Variants in PTP4A2 observed in about 807,000 individuals in gnomAD.
PTP4A2 encodes protein tyrosine phosphatase type IVA 2.
Under a neutral mutation model 22.9 loss-of-function variants are expected in PTP4A2, and 2 were observed. That is an observed-to-expected ratio of 0.09 (90% CI 0.04 to 0.27). The LOEUF (loss-of-function observed/expected upper bound fraction) is 0.27, where lower values mean the gene tolerates loss of function less well. Ranked by LOEUF, PTP4A2 falls within the 10% of genes least tolerant of loss-of-function variation. The pLI, the probability that PTP4A2 is intolerant of heterozygous loss-of-function variation, is 1.00. For missense variants in PTP4A2, 103 were observed against 205.1 expected (o/e 0.50, Z 3.04); for synonymous variants, 68 against 69.1 (o/e 0.98, Z 0.08).
chr1:31,932,076 T>C (rs991409869), intron 1 of PTP4A2, among the ~76,000 whole-genome samples: 3 of 152,168 alleles, frequency 2.0e-5, no homozygotes, highest in Non-Finnish European at 2.9e-5. Flanking sequence ...AAAGGACAAC[T>C]GGAAGAAAAC....
At chr1:31,912,907 C>T in intron 3 of PTP4A2, 2 of 390,420 alleles carry the variant, frequency 5.1e-6, no homozygotes, top group Non-Finnish European at 5.1e-6. Context: ...GACAACTACG[C>T]CCCATAATTA....
In PTP4A2 at chr1:31,919,980, G is replaced by T. The variant is rs1652052666; in HGVS notation, c.-593-322C>A. Among the ~76,000 whole-genome samples, 6 of 150,470 alleles carry T rather than the reference G, an allele frequency of 4.0e-5. No homozygotes were observed. In the South Asian group the frequency reaches 1.3e-3, roughly 32 times the overall value. On this transcript the variant is annotated intron_variant, in intron 1 of 5. Coordinates refer to ENST00000647444, the MANE Select transcript of PTP4A2 (RefSeq NM_080391.4). ...CGTCGCTACTAAAAATACACAATTA[G>T]CCAGGTGTGGTGGTGCATGCCTGTA...
intron 3 of PTP4A2, among the ~76,000 whole-genome samples, chr1:31,913,335 G>A (rs916147007): frequency 9.9e-5 from 15 of 152,184 alleles, no homozygotes; most frequent in Non-Finnish European, 1.3e-4. Context: ...TTTTTCAAGT[G>A]TAAGTTAAAC....
At chr1:31,933,665 G>A (rs887591654) in intron 1 of PTP4A2, 18 of 152,252 alleles carry the variant, frequency 1.2e-4, no homozygotes, top group Admixed American at 9.8e-4. Context: ...GGAGGCTGCA[G>A]TGAGCTGAGG....
At chr1:31,913,003 C>CTA (rs1651622540) in intron 3 of PTP4A2, 1 of 454,984 alleles carries the variant, frequency 2.2e-6, no homozygotes, top group Non-Finnish European at 4.4e-6. Flanking sequence ...CTTACTTCCT[C>CTA]TAATACTCCC....
At chr1:31,917,330 T>C (rs993516996) in intron 2 of PTP4A2, among the ~76,000 whole-genome samples, 3 of 152,238 alleles carry the variant, frequency 2.0e-5, no homozygotes, top group African/African-American at 4.8e-5. Context: ...GTCCATCATT[T>C]AGTTATCTAA....
intron 1 of PTP4A2, among the ~76,000 whole-genome samples, chr1:31,922,602 C>G (rs909361079): frequency 4.0e-4 from 40 of 99,388 alleles, no homozygotes; most frequent in Middle Eastern, 4.4e-3. Flanking sequence ...TTCTTTCTTT[C>G]TTTCTTTCTT....
At chr1:31,920,848 T>C (rs1442721185) in intron 1 of PTP4A2, among the ~76,000 whole-genome samples, 3 of 152,136 alleles carry the variant, frequency 2.0e-5, no homozygotes, top group Non-Finnish European at 4.4e-5. Flanking sequence ...CATGAACTCT[T>C]CATAAACTTC....
chr1:31,926,166 A>T (rs1335308278), intron 1 of PTP4A2, among the ~76,000 whole-genome samples: 1 of 147,190 alleles, frequency 6.8e-6, no homozygotes, highest in African/African-American at 2.5e-5. Flanking sequence ...ATATATATAT[A>T]TATTTATCTC....
At chr1:31,934,189 C>T (rs937319410) in intron 1 of PTP4A2, among the ~76,000 whole-genome samples, 15 of 151,436 alleles carry the variant, frequency 9.9e-5, no homozygotes, top group Non-Finnish European at 2.1e-4. Flanking sequence ...ACCCAGGAGG[C>T]GCAGGCTGCA....
At chr1:31,929,591 T>C (rs181567962) in intron 1 of PTP4A2, among the ~76,000 whole-genome samples, 11 of 152,352 alleles carry the variant, frequency 7.2e-5, no homozygotes, top group Admixed American at 2.0e-4. Context: ...TCCAATTCAG[T>C]TGCTTCCCCA....
chr1:31,911,914 C>G (rs1569577810), intron 3 of PTP4A2, 88 bp from the exon 4 acceptor site: 1 of 970,906 alleles, frequency 1.0e-6, no homozygotes, highest in African/African-American at 1.7e-5. Flanking sequence ...GTACACACGG[C>G]AGGCCTAACT....
chr1:31,929,543 A>T (rs1175903667), intron 1 of PTP4A2, among the ~76,000 whole-genome samples: 7 of 152,200 alleles, frequency 4.6e-5, no homozygotes, highest in Non-Finnish European at 8.8e-5. Flanking sequence ...TTCTTTTCCT[A>T]AATAACTTTG....
At chr1:31,935,659 C>T (rs1652902685) in intron 1 of PTP4A2, 1 of 152,070 alleles carries the variant, frequency 6.6e-6, no homozygotes, top group Non-Finnish European at 1.5e-5. Context: ...ATCCCTAGTG[C>T]CTGGCAAATA....
chr1:31,918,057 G>A (rs1172849533), intron 2 of PTP4A2, among the ~76,000 whole-genome samples: 1 of 151,744 alleles, frequency 6.6e-6, no homozygotes, highest in Non-Finnish European at 1.5e-5. Flanking sequence ...AGACCATCCT[G>A]GCTAACATGG....
At chr1:31,916,222 G>C (rs918153302) in intron 2 of PTP4A2, among the ~76,000 whole-genome samples, 2 of 150,876 alleles carry the variant, frequency 1.3e-5, no homozygotes, top group Non-Finnish European at 2.9e-5. Context: ...GTGCGGGCCT[G>C]TAATCCCAGC....
chr1:31,937,137 G>A (rs74893045), intron 1 of PTP4A2, among the ~76,000 whole-genome samples: 7,977 of 152,124 alleles, frequency 0.052, 709 homozygotes, highest in African/African-American at 0.18. Flanking sequence ...CTTTTCGTTA[G>A]CTCTCAGGGG....
In PTP4A2 at chr1:31,907,060, T is replaced by A. The variant is rs1651210095; in HGVS notation, c.*1792A>T. On this transcript the variant is annotated 3_prime_UTR_variant, in exon 6 of 6. Transcript: ENST00000647444. ...AGAGGAGAGAATCTACAGATTTGCG[T>A]TTAGTTAAAAATCAAAACTCCAGCA... 6.6e-6 allele frequency: 1 copy of A among 152,230 alleles called. No homozygotes were observed. Among genetic ancestry groups the A allele is most frequent in the African/African-American group, 2.4e-5 (1 of 41,446 alleles). 9.4% of individuals were successfully genotyped at this position (152,230 alleles called of 1,614,324 possible). A position where few individuals can be genotyped will look rare whatever the true frequency, so the allele number is the denominator to read the frequency against.
chr1:31,915,854 G>T, intron 3 of PTP4A2, 41 bp downstream of exon 3: 1 of 1,301,558 alleles, frequency 7.7e-7, no homozygotes, highest in Non-Finnish European at 1.1e-6. Flanking sequence ...ATGTTTGAAA[G>T]ATACAACTTG....
Sources: allele counts gnomAD v4.1 joint callset (sites outside exome capture counted in the v4.1 genomes callset), GRCh38; gene constraint gnomAD v4.1.1; transcripts MANE v1.5; gene names NCBI Gene and HGNC (gene_info 2026-07-23, HGNC 2026-07-21).